HGFAC: variants seen among roughly 807,000 people sequenced by gnomAD.
HGFAC encodes the protein hepatocyte growth factor activator serine protease.
Under a neutral mutation model 70.6 loss-of-function variants are expected in HGFAC, and 76 were observed. The ratio of observed to expected loss-of-function variants is 1.08; its 90% CI spans 0.89 to 1.30. The LOEUF is 1.30. Among genes scored for constraint, HGFAC ranks in the 50% most tolerant of loss-of-function variants. The pLI, the probability that HGFAC is intolerant of heterozygous loss-of-function variation, is 0.00. For synonymous variants in HGFAC, 464 were observed against 405.3 expected, an observed-to-expected ratio of 1.14 and a Z score of -1.74; for missense variants, 1,044 against 933.7, an observed-to-expected ratio of 1.12 and a Z score of -1.54.
chr4:3,443,088 C>G lies in HGFAC; in HGVS notation c.337C>G (p.Arg113Gly). ...EDGRPCRFPF[R>G]YGGRMLHACT... ...CGGGAGGCCCTGCAGGTTCCCCTTC[C>G]GCTACGGGGGCCGCATGCTGCATGC... Residue 113 changes from arginine (R) to glycine (G), a missense_variant, in exon 3 of 14, where the codon CGC becomes GGC. Arg to Gly is a moderately radical substitution (Grantham distance 125, BLOSUM62 -2). Coordinates refer to ENST00000382774, the MANE Select transcript of HGFAC (RefSeq NM_001528.4). 1.3e-6 allele frequency: 2 copies of G among 1,598,884 alleles called. No individual in the cohort carries two copies. The highest frequency in any genetic ancestry group is 1.7e-5 in the Admixed American group (1 of 59,516).
In HGFAC at chr4:3,445,559, A is replaced by C. The variant is rs1374389674; in HGVS notation, c.1102+209A>C. 4 of 608,340 alleles carry C rather than the reference A, an allele frequency of 6.6e-6. No individual in the cohort carries two copies. In the African/African-American group the frequency reaches 7.4e-5, roughly 11 times the overall value. 37.7% of individuals were successfully genotyped at this position (608,340 alleles called of 1,614,324 possible). On this transcript the variant is annotated intron_variant, in intron 9 of 13. Transcript: ENST00000382774. ...AGCAGCCCGCTGCAGGGGGCTGGTC[A>C]CCAGGCGACGGCCTCGGGGTGGCAC...
In HGFAC at chr4:3,448,168, C is replaced by A; in HGVS notation, c.1677C>A (p.Val559=). 6.2e-7 allele frequency: 1 copy of A among 1,600,258 alleles called. No individual in the cohort carries two copies. The highest frequency in any genetic ancestry group is 8.5e-7 in the Non-Finnish European group (1 of 1,174,786). Residue 559 remains valine (V), a synonymous_variant, in exon 13 of 14, where the codon GTC becomes GTA. Transcript: ENST00000382774. ...CCAGCTCCCTGCGGGAGGCCCTGGT[C>A]CCCCTGGTCGCCGACCACAAGTGCA... The part of the protein sequence containing the change: ...GYSSSLREAL[V]PLVADHKCSS...
intron 3 of HGFAC, 43 bp downstream of exon 3, chr4:3,443,189 C>T (rs1725373326): frequency 4.3e-6 from 6 of 1,388,272 alleles, no homozygotes; most frequent in Non-Finnish European, 3.9e-6. Flanking sequence ...GGTCACCTGC[C>T]CCACGCTGCC....
At chr4:3,447,018 G>C (rs1279314635) in intron 10 of HGFAC, among the ~76,000 whole-genome samples, 4 of 152,214 alleles carry the variant, frequency 2.6e-5, no homozygotes, top group Non-Finnish European at 5.9e-5. Context: ...CCCAGGGCAG[G>C]AGGCCGAGGC....
rs1458154516 is a variant in HGFAC at position 3,448,098 on chromosome 4, G to A, written c.1637-30G>A. 2.5e-6 allele frequency: 4 copies of A among 1,569,196 alleles called. No individual in the cohort carries two copies. In the Admixed American group the frequency reaches 7.4e-5, roughly 29 times the overall value. On this transcript the variant is annotated intron_variant, in intron 12 of 13. Coordinates refer to ENST00000382774, the MANE Select transcript of HGFAC (RefSeq NM_001528.4). ...TGGACAGTGGCCAGCCACAGTGTGGGTGTCACGCTGAGGGCATTGTGTCCC... is the reference window on the plus strand; with the variant it reads ...TGGACAGTGGCCAGCCACAGTGTGGATGTCACGCTGAGGGCATTGTGTCCC...
Position 3,445,274 on chromosome 4 carries a change from CA to C in HGFAC, c.1028del (p.Asn343MetfsTer10). ...GPHAYCRNPD[N>X]DERPWCYVVK... ...CACTTATGCACCGCAGGAATCCGGA[CA>C]ATGACGAGAGGCCCTGGTGCTACGT... On this transcript the variant is annotated frameshift_variant, in exon 9 of 14. Coordinates refer to ENST00000382774, the MANE Select transcript of HGFAC (RefSeq NM_001528.4). LOFTEE classifies it high-confidence loss of function. 6.3e-7 allele frequency: 1 copy of C among 1,579,818 alleles called. No individual in the cohort carries two copies. Among genetic ancestry groups the C allele is most frequent in the Non-Finnish European group, 8.6e-7 (1 of 1,163,764 alleles).
Position 3,444,106 on chromosome 4 carries a change from C to T in HGFAC, c.543C>T (p.Pro181=), listed in dbSNP as rs868534776. The change falls in exon 5 of 14, where the codon CCC becomes CCT. Residue 181 remains proline (P), a synonymous_variant. Transcript: ENST00000382774. The part of the protein sequence containing the change: ...NGGSCSNTQD[P]QSYHCSCPRA... ...GCTCCTGCTCCAATACCCAGGACCCCCAGTCCTATCACTGCAGCTGCCCCC... is the reference window on the plus strand; with the variant it reads ...GCTCCTGCTCCAATACCCAGGACCCTCAGTCCTATCACTGCAGCTGCCCCC... 6.2e-7 allele frequency: 1 copy of T among 1,612,262 alleles called. No individual in the cohort carries two copies. Among genetic ancestry groups the T allele is most frequent in the Non-Finnish European group, 8.5e-7 (1 of 1,179,696 alleles).
chr4:3,445,702 G>A (rs1385215452), intron 9 of HGFAC: 3 of 650,152 alleles, frequency 4.6e-6, no homozygotes, highest in Admixed American at 2.9e-5. Context: ...GAGGCCCCCC[G>A]GCTCCCTAGG....
intron 1 of HGFAC, 100 bp from the exon 2 acceptor site, chr4:3,442,632 G>C: frequency 2.3e-6 from 2 of 851,776 alleles, no homozygotes; most frequent in South Asian, 3.2e-5. Context: ...GAGATCTGGG[G>C]GCCCCAGTAT....
Position 3,443,064 on chromosome 4 carries a change from G to C in HGFAC, c.313G>C (p.Gly105Arg). The C allele has an allele frequency of 3.1e-6, 5 of 1,598,998 alleles. No individual in the cohort carries two copies. Among genetic ancestry groups the C allele is most frequent in the Non-Finnish European group, 4.2e-6 (5 of 1,178,470 alleles). ...CCTCCCCACAGCACTCACCGAGGAC[G>C]GGAGGCCCTGCAGGTTCCCCTTCCG... ...SPQAQALTED[G>R]RPCRFPFRYG... The change falls in exon 3 of 14, where the codon GGG (glycine) becomes CGG (arginine). Residue 105 changes from glycine (G) to arginine (R), a missense_variant. Physicochemically the swap from Gly to Arg is moderately radical, Grantham distance 125 (BLOSUM62 -2). Transcript: ENST00000382774.
Position 3,447,996 on chromosome 4 carries a change from C to T in HGFAC, c.1597C>T (p.His533Tyr), listed in dbSNP as rs944737504. The T allele has an allele frequency of 3.8e-6, 6 of 1,574,936 alleles. No individual in the cohort carries two copies. Among genetic ancestry groups the T allele is most frequent in the Non-Finnish European group, 4.3e-6 (5 of 1,161,104 alleles). Reference sequence around the variant, plus strand: ...GCCCGGCAGCACCTTCCCCGCAGGACACAAGTGCCAGATTGCGGGCTGGGG... The same window carrying T: ...GCCCGGCAGCACCTTCCCCGCAGGATACAAGTGCCAGATTGCGGGCTGGGG... ...PEPGSTFPAG[H>Y]KCQIAGWGHL... Residue 533 changes from histidine (H) to tyrosine (Y), a missense_variant, in exon 12 of 14, where the codon CAC (histidine) becomes TAC (tyrosine). Transcript: ENST00000382774.
intron 9 of HGFAC, 111 bp from the exon 10 acceptor site, chr4:3,445,929 CAG>C: frequency 6.4e-7 from 1 of 1,554,938 alleles, no homozygotes; most frequent in Non-Finnish European, 8.7e-7. Flanking sequence ...GCAGCGTGGA[CAG>C]GGGGTCCGGC....
chr4:3,441,281 T>C (rs1725301517), upstream of HGFAC, among the ~76,000 whole-genome samples: 1 of 152,134 alleles, frequency 6.6e-6, no homozygotes, highest in South Asian at 2.1e-4. This position sits in a 1 kb window ranked among gnomAD's most constrained non-coding sequence, Gnocchi z 6.0. Context: ...AGTGGACTCC[T>C]GGGTCTGTCT....
intron 5 of HGFAC, 44 bp downstream of exon 5, chr4:3,444,205 C>G: frequency 6.4e-7 from 1 of 1,572,762 alleles, no homozygotes; most frequent in South Asian, 1.2e-5. Context: ...GGGGCCGGAG[C>G]AAGTCCCCGG....
chr4:3,445,548 G>T (rs1189972317), intron 9 of HGFAC, 198 bp downstream of exon 9: 2 of 614,596 alleles, frequency 3.3e-6, no homozygotes, highest in South Asian at 1.9e-5. Context: ...GCCCGCTGCA[G>T]GGGGCTGGTC....
At chr4:3,444,220 T>C in intron 5 of HGFAC, 59 bp downstream of exon 5, 1 of 1,564,206 alleles carries the variant, frequency 6.4e-7, no homozygotes, top group Non-Finnish European at 8.7e-7. Context: ...CCCCGGAGGA[T>C]GGGAGAACAG....
At chr4:3,443,991 C>T (rs769553760) in intron 4 of HGFAC, 48 bp from the exon 5 acceptor site, 6 of 1,528,538 alleles carry the variant, frequency 3.9e-6, no homozygotes, top group African/African-American at 2.8e-5. Flanking sequence ...ACAGAGGGAC[C>T]CTGAGCCTCC....
upstream of HGFAC, chr4:3,441,915 G>T (rs1239950913): frequency 5.5e-6 from 4 of 733,664 alleles, no homozygotes; most frequent in South Asian, 6.9e-5. This position sits in a 1 kb window ranked among gnomAD's most constrained non-coding sequence, Gnocchi z 6.0. Context: ...GGCAGCCAGG[G>T]TTAATCATTT....
intron 9 of HGFAC, chr4:3,445,667 G>C (rs1175950565): frequency 4.9e-6 from 3 of 610,040 alleles, no homozygotes; most frequent in African/African-American, 3.7e-5. Flanking sequence ...GCCCCCCAGA[G>C]GCCACCTGCT....
Sources: gnomAD v4.1 joint callset for allele counts (sites outside exome capture counted in the v4.1 genomes callset) on GRCh38, gnomAD v4.1.1 for gene constraint, Gnocchi (gnomAD v3.1) non-coding constraint, MANE v1.5 for transcripts, NCBI Gene and HGNC (gene_info 2026-07-23, HGNC 2026-07-21) for gene names.